The following JARID2 variants were observed in gnomAD, a reference collection of about 807,000 sequenced individuals.
JARID2 encodes jumonji and AT-rich interaction domain containing 2, also known as protein Jumonji.
Under a neutral mutation model 125.6 loss-of-function variants are expected in JARID2, and 21 were observed. The ratio of observed to expected loss-of-function variants is 0.17; its 90% CI spans 0.12 to 0.24. The LOEUF (loss-of-function observed/expected upper bound fraction) is 0.24. Among genes scored for constraint, JARID2 ranks in the 10% least tolerant of loss-of-function variants. The probability of loss-of-function intolerance (pLI) is 1.00; values close to 1 mark genes in which losing one functional copy is unlikely to be tolerated. For missense variants in JARID2, 1,303 were observed against 1,639.6 expected, an observed-to-expected ratio of 0.79 and a Z score of 3.55; for synonymous variants, 736 against 661.6, an observed-to-expected ratio of 1.11 and a Z score of -1.73.
intron 1 of JARID2, among the ~76,000 whole-genome samples, chr6:15,361,913 T>TTTC (rs1554127991): frequency 1.5e-5 from 2 of 132,746 alleles, no homozygotes; most frequent in Non-Finnish European, 3.2e-5. Flanking sequence ...TTTTTTTTTT[T>TTTC]CCCTGAGATG....
At chr6:15,329,941 T>C (rs1053379875) in intron 1 of JARID2, among the ~76,000 whole-genome samples, 6 of 152,212 alleles carry the variant, frequency 3.9e-5, no homozygotes, top group Non-Finnish European at 7.3e-5. Flanking sequence ...AACATTGAAA[T>C]AGATGTTCAG....
At chr6:15,328,155 G>T (rs1027392606) in intron 1 of JARID2, among the ~76,000 whole-genome samples, 3 of 152,060 alleles carry the variant, frequency 2.0e-5, no homozygotes, top group Non-Finnish European at 4.4e-5. Flanking sequence ...TCAGTGGCTT[G>T]CAACACTCCT....
intron 1 of JARID2, among the ~76,000 whole-genome samples, chr6:15,313,271 A>G (rs373339006): frequency 1.1e-4 from 17 of 152,150 alleles, no homozygotes; most frequent in East Asian, 7.7e-4. Context: ...GTCCCATTCT[A>G]TTGTCTGTGT....
At chr6:15,330,328 G>A (rs977102438) in intron 1 of JARID2, among the ~76,000 whole-genome samples, 6 of 152,106 alleles carry the variant, frequency 3.9e-5, no homozygotes, top group Non-Finnish European at 5.9e-5. Flanking sequence ...ATAAGCCTGC[G>A]CACTCATTAA....
chr6:15,484,753 G>T (rs757029585), intron 5 of JARID2, among the ~76,000 whole-genome samples: 2 of 152,192 alleles, frequency 1.3e-5, no homozygotes, highest in Admixed American at 6.5e-5. Flanking sequence ...TGAATAAAGA[G>T]AAGTAATTAT....
intron 6 of JARID2, among the ~76,000 whole-genome samples, chr6:15,490,889 G>A (rs1420029978): frequency 1.3e-5 from 2 of 152,242 alleles, no homozygotes; most frequent in Non-Finnish European, 1.5e-5. Flanking sequence ...TATTGAACCA[G>A]ATGTGGCCAC....
rs761993413 is a variant in JARID2 at position 15,520,229 on chromosome 6, A to G, written c.3719A>G (p.Lys1240Arg). The change falls in exon 18 of 18, where the codon AAA becomes AGA. Residue 1240 changes from lysine (K) to arginine (R), a missense_variant. Physicochemically the swap from Lys to Arg is conservative, Grantham distance 26. Transcript: ENST00000341776. The part of the protein sequence containing the change: ...PSRLSASSSS[K>R]SASSSS Reference sequence around the variant, plus strand: ...CGTCTGTCAGCCTCCAGTTCATCCAAAAGTGCTTCGAGCTCATCATGAAGA... The same window carrying G: ...CGTCTGTCAGCCTCCAGTTCATCCAGAAGTGCTTCGAGCTCATCATGAAGA... The G allele has an allele frequency of 6.2e-7, 1 of 1,610,816 alleles. No individual in the cohort carries two copies. Among genetic ancestry groups the G allele is most frequent in the East Asian group, 2.2e-5 (1 of 44,632 alleles).
intron 3 of JARID2, among the ~76,000 whole-genome samples, chr6:15,432,062 C>T (rs897018801): frequency 2.7e-5 from 4 of 150,582 alleles, no homozygotes; most frequent in Non-Finnish European, 4.4e-5. Flanking sequence ...AGGTTCTTGG[C>T]GTTTTGAACA....
In JARID2 at chr6:15,521,797, C is replaced by T. The variant is rs1337487125; in HGVS notation, c.*1546C>T. 1.3e-5 allele frequency: 2 copies of T among 152,176 alleles called. No homozygotes were observed. The highest frequency in any genetic ancestry group is 4.8e-5 in the African/African-American group (2 of 41,438). 9.4% of individuals were successfully genotyped at this position (152,176 alleles called of 1,614,324 possible). On this transcript the variant is annotated 3_prime_UTR_variant, in exon 18 of 18. Coordinates refer to ENST00000341776, the MANE Select transcript of JARID2 (RefSeq NM_004973.4). ...AATATTTAACAATTACAGAAACAGTCAAGTGTTTTCCAATGTGGTTGTCCG... is the reference window on the plus strand; with the variant it reads ...AATATTTAACAATTACAGAAACAGTTAAGTGTTTTCCAATGTGGTTGTCCG...
At chr6:15,440,200 C>T (rs553506781) in intron 3 of JARID2, among the ~76,000 whole-genome samples, 51 of 152,316 alleles carry the variant, frequency 3.3e-4, no homozygotes, top group African/African-American at 1.2e-3. Flanking sequence ...TGTCCACTGC[C>T]GCTGTCTACA....
chr6:15,363,715 A>G (rs1224556249), intron 1 of JARID2, among the ~76,000 whole-genome samples: 1 of 152,176 alleles, frequency 6.6e-6, no homozygotes, highest in Non-Finnish European at 1.5e-5. Flanking sequence ...GGAAGAGAAT[A>G]TGTACAGGAA....
At chr6:15,392,073 T>TGC (rs1221968518) in intron 2 of JARID2, among the ~76,000 whole-genome samples, 110 of 54,246 alleles carry the variant, frequency 2.0e-3, no homozygotes, top group Middle Eastern at 6.7e-3. Flanking sequence ...TGTGTGTGTG[T>TGC]GTGTGCGTGT....
intron 2 of JARID2, among the ~76,000 whole-genome samples, chr6:15,393,173 T>C (rs1765090197): frequency 6.6e-6 from 1 of 151,222 alleles, no homozygotes; most frequent in Admixed American, 6.6e-5. Context: ...GCTATCCTCA[T>C]GGTGTGTTAT....
At chr6:15,389,689 A>C (rs542354111) in intron 2 of JARID2, among the ~76,000 whole-genome samples, 10 of 152,344 alleles carry the variant, frequency 6.6e-5, no homozygotes, top group Non-Finnish European at 1.3e-4. Flanking sequence ...AAATGTTGGC[A>C]AACTCTTCAC....
chr6:15,301,282 G>A (rs1761615192), intron 1 of JARID2, among the ~76,000 whole-genome samples: 1 of 152,160 alleles, frequency 6.6e-6, no homozygotes, highest in African/African-American at 2.4e-5. Flanking sequence ...AGAGTGCCGA[G>A]AGTATTAGCA....
intron 1 of JARID2, among the ~76,000 whole-genome samples, chr6:15,341,718 C>T (rs1763075850): frequency 2.0e-5 from 3 of 151,982 alleles, no homozygotes; most frequent in African/African-American, 7.3e-5. Flanking sequence ...AAAGAGAAAT[C>T]GATGAAAGGC....
chr6:15,336,976 A>G (rs923970399), intron 1 of JARID2, among the ~76,000 whole-genome samples: 1 of 152,150 alleles, frequency 6.6e-6, no homozygotes, highest in Non-Finnish European at 1.5e-5. Context: ...GTCACACATA[A>G]AAATCAATTT....
chr6:15,411,452 TCTC>T (rs1334360701), intron 3 of JARID2, among the ~76,000 whole-genome samples: 2 of 152,248 alleles, frequency 1.3e-5, no homozygotes, highest in Admixed American at 6.5e-5. Flanking sequence ...TCTGTATTCT[TCTC>T]TCATTTTCTC....
intron 4 of JARID2, among the ~76,000 whole-genome samples, chr6:15,458,896 T>G (rs1026823683): frequency 7.2e-5 from 11 of 152,214 alleles, no homozygotes; most frequent in African/African-American, 2.7e-4. Flanking sequence ...CCTCAGATTC[T>G]GCATGCCCTG....
Sources: gnomAD v4.1 joint callset for allele counts (sites outside exome capture counted in the v4.1 genomes callset) on GRCh38, gnomAD v4.1.1 for gene constraint, MANE v1.5 for transcripts, NCBI Gene and HGNC (gene_info 2026-07-23, HGNC 2026-07-21) for gene names.